Variants in PLA2G12A observed in about 807,000 individuals in gnomAD.
PLA2G12A encodes the protein phospholipase A2 group XIIA.
PLA2G12A carries 11 observed loss-of-function variants against 16.0 expected under a neutral mutation model. The observed-to-expected ratio is 0.69, with a 90% CI of 0.43 to 1.13. The LOEUF (loss-of-function observed/expected upper bound fraction) is 1.13. PLA2G12A is among the 50% of genes most tolerant of loss of function. The probability of loss-of-function intolerance (pLI) is 0.00; values close to 1 mark genes in which losing one functional copy is unlikely to be tolerated. For missense variants in PLA2G12A, 214 were observed against 237.3 expected, an observed-to-expected ratio of 0.90 and a Z score of 0.65; for synonymous variants, 77 against 93.8, an observed-to-expected ratio of 0.82 and a Z score of 1.03.
At chr4:109,714,539 C>T (rs772482580) in intron 3 of PLA2G12A, 44 bp from the exon 4 acceptor site, 24 of 1,227,616 alleles carry the variant, frequency 2.0e-5, no homozygotes, top group Non-Finnish European at 2.8e-5. Flanking sequence ...AACTGCATTG[C>T]TCTTTTCACC....
At chr4:109,723,548 C>A (rs1722855959) in intron 1 of PLA2G12A, among the ~76,000 whole-genome samples, 1 of 152,184 alleles carries the variant, frequency 6.6e-6, no homozygotes, top group Non-Finnish European at 1.5e-5. Flanking sequence ...AGAAACTATA[C>A]ATTTATCTAT....
At chr4:109,718,009 T>A (rs1034928663) in intron 2 of PLA2G12A, among the ~76,000 whole-genome samples, 1 of 152,106 alleles carries the variant, frequency 6.6e-6, no homozygotes, top group African/African-American at 2.4e-5. Context: ...AAACATAAGT[T>A]TTAAAAAAAG....
At chr4:109,726,556 C>T (rs1243256907) in intron 1 of PLA2G12A, among the ~76,000 whole-genome samples, 2 of 152,172 alleles carry the variant, frequency 1.3e-5, no homozygotes, top group Non-Finnish European at 2.9e-5. Context: ...CATTTTTACT[C>T]CCCCACTCCC....
intron 3 of PLA2G12A, among the ~76,000 whole-genome samples, chr4:109,716,407 T>C (rs1730828078): frequency 6.6e-6 from 1 of 152,248 alleles, no homozygotes; most frequent in African/African-American, 2.4e-5. Flanking sequence ...TTTAGGTTTT[T>C]GTTGGCATCA....
At chr4:109,725,796 A>G (rs1722923824) in intron 1 of PLA2G12A, among the ~76,000 whole-genome samples, 1 of 152,222 alleles carries the variant, frequency 6.6e-6, no homozygotes, top group African/African-American at 2.4e-5. Context: ...AATATGAAGC[A>G]GATGACAAGC....
intron 1 of PLA2G12A, among the ~76,000 whole-genome samples, 167 bp downstream of exon 1, chr4:109,729,435 G>C (rs1723003087): frequency 6.6e-6 from 1 of 152,176 alleles, no homozygotes; most frequent in Non-Finnish European, 1.5e-5. Flanking sequence ...CTTGTACCCA[G>C]CTTGCTCAAT....
intron 3 of PLA2G12A, 99 bp downstream of exon 3, chr4:109,717,449 T>C (rs1338669569): frequency 2.4e-6 from 3 of 1,240,516 alleles, no homozygotes; most frequent in East Asian, 2.4e-5. Flanking sequence ...AGATAATATA[T>C]GTGAAAGATT....
At chr4:109,714,652 T>C (rs1482283467) in intron 3 of PLA2G12A, among the ~76,000 whole-genome samples, 157 bp from the exon 4 acceptor site, 1 of 152,084 alleles carries the variant, frequency 6.6e-6, no homozygotes, top group Non-Finnish European at 1.5e-5. Context: ...CATATTTACA[T>C]ACACACATAT....
At chr4:109,719,120 C>T (rs533113406) in intron 1 of PLA2G12A, among the ~76,000 whole-genome samples, 31 of 152,044 alleles carry the variant, frequency 2.0e-4, no homozygotes, top group Non-Finnish European at 3.5e-4. Context: ...AAGATAAATC[C>T]ACCCTGTTTT....
At chr4:109,721,319 C>CT (rs531961276) in intron 1 of PLA2G12A, among the ~76,000 whole-genome samples, 1,583 of 136,578 alleles carry the variant, frequency 0.012, 47 homozygotes, top group East Asian at 0.093. Flanking sequence ...GTCCTTCATT[C>CT]TTTTTTTTTT....
At chr4:109,718,402 C>G (rs1730865346) in intron 2 of PLA2G12A, among the ~76,000 whole-genome samples, 1 of 152,066 alleles carries the variant, frequency 6.6e-6, no homozygotes, top group Admixed American at 6.6e-5. Context: ...ATACTTTTTC[C>G]CTCTAAGTAG....
intron 1 of PLA2G12A, among the ~76,000 whole-genome samples, chr4:109,726,931 CTT>C (rs34683356): frequency 7.1e-6 from 1 of 140,028 alleles, no homozygotes; most frequent in Admixed American, 7.2e-5. Context: ...TTAACTCACT[CTT>C]TTTTTTTTTT....
chr4:109,721,633 C>T (rs149973581), intron 1 of PLA2G12A, among the ~76,000 whole-genome samples: 132 of 152,172 alleles, frequency 8.7e-4, no homozygotes, highest in African/African-American at 3.1e-3. Flanking sequence ...TCCTTCATTC[C>T]TAAGAAAACA....
chr4:109,724,069 A>G (rs2126168301), intron 1 of PLA2G12A, among the ~76,000 whole-genome samples: 1 of 152,280 alleles, frequency 6.6e-6, no homozygotes, highest in South Asian at 2.1e-4. Context: ...TACCACCCTC[A>G]GACAACCGAT....
At position 109,720,584 on chromosome 4, in the gene PLA2G12A, AAAAAAAAAAAAAAAAAAAAAATATAT is replaced by A. The variant is rs1315959755; in HGVS notation, c.209-1851_209-1826del. Among the ~76,000 whole-genome samples, 170 of 53,502 alleles carry A rather than the reference AAAAAAAAAAAAAAAAAAAAAATATAT, an allele frequency of 3.2e-3. 1 individual carries two copies. Among genetic ancestry groups the A allele is most frequent in the Middle Eastern group, 0.01 (1 of 100 alleles). 35.1% of individuals were successfully genotyped at this position (53,502 alleles called of 152,430 possible). On this transcript the variant is annotated intron_variant, in intron 1 of 3. Coordinates refer to ENST00000243501, the MANE Select transcript of PLA2G12A (RefSeq NM_030821.5). The stretch of plus-strand genomic sequence containing the variant: ...GACTCTGTCTGTATTCAAAAAAAAA[AAAAAAAAAAAAAAAAAAAAAATATAT>A]ATATATATATATATATATATATATA...
intron 1 of PLA2G12A, among the ~76,000 whole-genome samples, chr4:109,726,180 C>G (rs1046364477): frequency 6.6e-5 from 10 of 150,950 alleles, no homozygotes; most frequent in African/African-American, 2.5e-4. Flanking sequence ...GAAACTACCC[C>G]CTCTCACTTA....
At chr4:109,715,258 G>A (rs1382715968) in intron 3 of PLA2G12A, among the ~76,000 whole-genome samples, 1 of 152,176 alleles carries the variant, frequency 6.6e-6, no homozygotes. Context: ...AATGTTTTAT[G>A]TGCGGAAGAA....
intron 1 of PLA2G12A, among the ~76,000 whole-genome samples, chr4:109,724,616 T>A (rs547494571): frequency 6.6e-6 from 1 of 152,136 alleles, no homozygotes; most frequent in Non-Finnish European, 1.5e-5. Flanking sequence ...TATATAGACA[T>A]TTTCTCATAA....
At chr4:109,724,793 G>C (rs1418800189) in intron 1 of PLA2G12A, among the ~76,000 whole-genome samples, 1 of 152,152 alleles carries the variant, frequency 6.6e-6, no homozygotes, top group African/African-American at 2.4e-5. Flanking sequence ...GTGCCAAACA[G>C]GGCTAGTGGT....
Sources: gnomAD v4.1 joint callset for allele counts (sites outside exome capture counted in the v4.1 genomes callset) on GRCh38, gnomAD v4.1.1 for gene constraint, MANE v1.5 for transcripts, NCBI Gene and HGNC (gene_info 2026-07-23, HGNC 2026-07-21) for gene names.